The following PAG1 variants were observed in gnomAD, a reference collection of about 807,000 sequenced individuals.
PAG1 encodes the protein phosphoprotein membrane anchor with glycosphingolipid microdomains 1, also known as phosphoprotein associated with glycosphingolipid-enriched microdomains 1.
A neutral mutation model predicts 31.7 loss-of-function variants in PAG1; 23 were observed. That is an observed-to-expected ratio of 0.73 (90% CI 0.52 to 1.03). The LOEUF (loss-of-function observed/expected upper bound fraction) is 1.03. Among genes scored for constraint, PAG1 ranks in the 50% least tolerant of loss-of-function variants. The probability of loss-of-function intolerance (pLI) is 0.00; values close to 1 mark genes in which losing one functional copy is unlikely to be tolerated. For missense variants in PAG1, 473 were observed against 540.7 expected (o/e 0.87, Z 1.24); for synonymous variants, 214 against 210.3 (o/e 1.02, Z -0.15).
intron 1 of PAG1, among the ~76,000 whole-genome samples, chr8:81,108,729 CAAGCTATGGAAACCTTA>C (rs1474403668): frequency 6.6e-6 from 1 of 152,140 alleles, no homozygotes; most frequent in Admixed American, 6.5e-5. Flanking sequence ...AGAAGTCTAA[CAAGCTATGGAAACCTTA>C]AAGGAAGTAC....
chr8:81,019,496 A>G (rs1808126166), intron 3 of PAG1, among the ~76,000 whole-genome samples: 1 of 152,238 alleles, frequency 6.6e-6, no homozygotes, highest in South Asian at 2.1e-4. Context: ...CTTCAGTTCC[A>G]GCCATGGCTA....
rs747954954 is a variant in PAG1 at position 80,985,056 on chromosome 8, C to A, written c.596G>T (p.Gly199Val). 6.2e-7 allele frequency: 1 copy of A among 1,614,144 alleles called. No homozygotes were observed. The highest frequency in any genetic ancestry group is 1.1e-5 in the South Asian group (1 of 91,074). Residue 199 changes from glycine (G) to valine (V), a missense_variant, in exon 7 of 9, where the codon GGC (glycine) becomes GTC (valine). By Grantham distance (109) the Gly-to-Val change is moderately radical. Transcript: ENST00000220597. ...EVAAAAHLEK[G>V]HSGKAKSTSA... The stretch of plus-strand genomic sequence containing the variant: ...AGTAGATTTTGCCTTGCCACTGTGG[C>A]CTTTCTCCAGGTGTGCAGCTGCAGC...
chr8:81,019,196 G>A (rs1383876866), intron 3 of PAG1, among the ~76,000 whole-genome samples: 1 of 152,198 alleles, frequency 6.6e-6, no homozygotes, highest in Non-Finnish European at 1.5e-5. Context: ...AAGCATTCAA[G>A]AGGAAGCAGA....
rs1050883786 is a variant in PAG1, at chr8:81,081,212, TA to T, written c.-233-11043del. ...CTTCCTTCCCAATCTCCAAACAAAT[TA>T]AAAAAAAAAACAGACTTTAGAAGAG... On this transcript the variant is annotated intron_variant, in intron 1 of 8. Transcript: ENST00000220597. 1.6e-3 allele frequency among the ~76,000 whole-genome samples: 231 copies of T among 145,608 alleles called. 1 individual carries two copies. Among genetic ancestry groups the T allele is most frequent in the African/African-American group, 5.3e-3 (213 of 40,388 alleles).
chr8:81,069,898 G>C (rs557403210), intron 2 of PAG1, among the ~76,000 whole-genome samples: 1 of 152,168 alleles, frequency 6.6e-6, no homozygotes, highest in South Asian at 2.1e-4. Context: ...ACCCATTGGC[G>C]TCTTGGTTTC....
chr8:81,003,024 G>C (rs1188434922), intron 3 of PAG1, among the ~76,000 whole-genome samples: 4 of 152,218 alleles, frequency 2.6e-5, no homozygotes, highest in Non-Finnish European at 5.9e-5. Context: ...GGTTCTTGTA[G>C]AATGGAACTT....
chr8:80,980,763 T>G (rs1434598736), intron 7 of PAG1, among the ~76,000 whole-genome samples: 3 of 152,242 alleles, frequency 2.0e-5, no homozygotes, highest in Non-Finnish European at 4.4e-5. Context: ...TTATTTAGAC[T>G]ACTGTTTCAA....
chr8:81,066,122 C>T (rs936384840), intron 2 of PAG1, among the ~76,000 whole-genome samples: 2 of 152,352 alleles, frequency 1.3e-5, no homozygotes, highest in East Asian at 3.9e-4. Context: ...AGCAAGCTGA[C>T]ATTTGGTGTC....
intron 7 of PAG1, among the ~76,000 whole-genome samples, chr8:80,981,523 T>C (rs1025122787): frequency 6.6e-6 from 1 of 152,042 alleles, no homozygotes; most frequent in Non-Finnish European, 1.5e-5. Flanking sequence ...CTCACCTATC[T>C]TCACTCTGAG....
chr8:81,045,079 C>T (rs985564076), intron 2 of PAG1, among the ~76,000 whole-genome samples: 1 of 152,184 alleles, frequency 6.6e-6, no homozygotes, highest in South Asian at 2.1e-4. Flanking sequence ...AGCAAAGTCA[C>T]CACACACAGA....
intron 3 of PAG1, among the ~76,000 whole-genome samples, chr8:81,019,307 A>C (rs1808122703): frequency 6.6e-6 from 1 of 152,246 alleles, no homozygotes; most frequent in Admixed American, 6.5e-5. Flanking sequence ...TGCCTAAGTA[A>C]TGAGGAACCA....
At chr8:81,021,883 G>A (rs1563632517) in intron 3 of PAG1, among the ~76,000 whole-genome samples, 1 of 152,120 alleles carries the variant, frequency 6.6e-6, no homozygotes, top group Non-Finnish European at 1.5e-5. Context: ...ATAGAAGCAT[G>A]GTAACGCAGA....
At chr8:80,987,318 T>C (rs1269457501) in intron 6 of PAG1, 52 bp downstream of exon 6, 2 of 1,123,694 alleles carry the variant, frequency 1.8e-6, no homozygotes, top group Non-Finnish European at 2.7e-6. Flanking sequence ...AACCTAGGAC[T>C]TCCAGAGGTG....
At chr8:81,037,432 T>C (rs976952601) in intron 2 of PAG1, among the ~76,000 whole-genome samples, 3 of 152,246 alleles carry the variant, frequency 2.0e-5, no homozygotes, top group African/African-American at 7.2e-5. Flanking sequence ...GGCTTGGATA[T>C]GAATTCCTTG....
intron 7 of PAG1, among the ~76,000 whole-genome samples, chr8:80,980,875 C>T (rs1237950334): frequency 6.6e-6 from 1 of 152,162 alleles, no homozygotes; most frequent in East Asian, 1.9e-4. Context: ...CTACAGTTTG[C>T]TGGCGTCATC....
At chr8:81,038,954 G>T (rs1206309091) in intron 2 of PAG1, among the ~76,000 whole-genome samples, 2 of 152,146 alleles carry the variant, frequency 1.3e-5, no homozygotes, top group Non-Finnish European at 2.9e-5. Context: ...CACTTGAAGG[G>T]AAATGACACA....
chr8:81,098,104 G>T (rs900653307), intron 1 of PAG1, among the ~76,000 whole-genome samples: 2 of 152,054 alleles, frequency 1.3e-5, no homozygotes, highest in Non-Finnish European at 2.9e-5. Flanking sequence ...TTACATTCAC[G>T]ATGGGTCTAT....
intron 2 of PAG1, among the ~76,000 whole-genome samples, chr8:81,063,566 T>C (rs1808953324): frequency 6.6e-6 from 1 of 152,144 alleles, no homozygotes; most frequent in Non-Finnish European, 1.5e-5. Flanking sequence ...GAACCTGTGG[T>C]TGATCCTAGA....
chr8:81,040,567 A>T (rs1586182303), intron 2 of PAG1, among the ~76,000 whole-genome samples: 1 of 152,004 alleles, frequency 6.6e-6, no homozygotes, highest in East Asian at 1.9e-4. Context: ...AATATTTATG[A>T]TATAGCTACA....
Sources: allele counts gnomAD v4.1 joint callset (sites outside exome capture counted in the v4.1 genomes callset), GRCh38; gene constraint gnomAD v4.1.1; transcripts MANE v1.5; gene names NCBI Gene and HGNC (gene_info 2026-07-23, HGNC 2026-07-21).